Variants in DPYD observed in about 807,000 individuals in gnomAD.
The protein encoded by DPYD is dihydropyrimidine dehydrogenase [NADP(+)].
In DPYD, 109 loss-of-function variants were observed where a neutral mutation model predicts 116.2. The ratio of observed to expected loss-of-function variants is 0.94; its 90% CI spans 0.80 to 1.10. The LOEUF (loss-of-function observed/expected upper bound fraction) is 1.10, where lower values mean the gene tolerates loss of function less well. Ranked by LOEUF, DPYD falls within the 50% of genes least tolerant of loss-of-function variation. DPYD has a pLI of 0.00. For missense variants in DPYD, 1,302 were observed against 1,254.5 expected (o/e 1.04, Z -0.57); for synonymous variants, 440 against 432.0 (o/e 1.02, Z -0.23).
chr1:97,150,445 T>C (rs1455082988), intron 20 of DPYD, among the ~76,000 whole-genome samples: 2 of 152,148 alleles, frequency 1.3e-5, no homozygotes, highest in Non-Finnish European at 2.9e-5. Context: ...GAAAGCACCA[T>C]TCAAATGTTC....
At chr1:97,822,135 A>G (rs1200234178) in intron 3 of DPYD, among the ~76,000 whole-genome samples, 2 of 151,320 alleles carry the variant, frequency 1.3e-5, no homozygotes, top group African/African-American at 4.8e-5. Flanking sequence ...TACGCCAACC[A>G]GCCAGATGTA....
At chr1:97,911,701 G>T (rs920315192) in intron 1 of DPYD, among the ~76,000 whole-genome samples, 9 of 152,206 alleles carry the variant, frequency 5.9e-5, no homozygotes, top group African/African-American at 1.9e-4. Context: ...TGAGAATCTG[G>T]TCTGCCAGAG....
intron 4 of DPYD, among the ~76,000 whole-genome samples, chr1:97,726,094 A>G (rs1000236641): frequency 6.6e-6 from 1 of 151,742 alleles, no homozygotes; most frequent in Middle Eastern, 3.4e-3. Context: ...ATACAAAACT[A>G]GGCAATGACC....
At chr1:97,874,553 G>A (rs562602587) in intron 2 of DPYD, among the ~76,000 whole-genome samples, 1 of 151,918 alleles carries the variant, frequency 6.6e-6, no homozygotes, top group Admixed American at 6.6e-5. Context: ...TAATATATTT[G>A]AGAATCCTTA....
intron 4 of DPYD, among the ~76,000 whole-genome samples, chr1:97,734,232 A>G (rs1663796010): frequency 6.6e-6 from 1 of 152,114 alleles, no homozygotes; most frequent in South Asian, 2.1e-4. Context: ...CTAGGAGATA[A>G]CCTATGAAAG....
At chr1:97,775,375 T>A (rs1557951719) in intron 3 of DPYD, among the ~76,000 whole-genome samples, 1 of 151,996 alleles carries the variant, frequency 6.6e-6, no homozygotes, top group Non-Finnish European at 1.5e-5. Context: ...CACCTAAATT[T>A]CCCCCCCTGC....
chr1:97,503,025 T>G (rs929409236), intron 13 of DPYD, among the ~76,000 whole-genome samples: 4 of 151,984 alleles, frequency 2.6e-5, no homozygotes, highest in Admixed American at 6.6e-5. Flanking sequence ...GGGAGACAAC[T>G]GTAACGTTTC....
chr1:97,596,973 C>T (rs1654930059), intron 8 of DPYD, among the ~76,000 whole-genome samples: 1 of 152,082 alleles, frequency 6.6e-6, no homozygotes, highest in African/African-American at 2.4e-5. Context: ...AGACTGTTTC[C>T]CCCTTTTATG....
intron 6 of DPYD, among the ~76,000 whole-genome samples, chr1:97,696,507 C>T (rs1661315499): frequency 6.6e-6 from 1 of 151,922 alleles, no homozygotes; most frequent in African/African-American, 2.4e-5. Flanking sequence ...GATAAAAGGA[C>T]AGAAGACAGA....
intron 5 of DPYD, among the ~76,000 whole-genome samples, chr1:97,704,924 ATG>A (rs2100986293): frequency 6.6e-6 from 1 of 152,156 alleles, no homozygotes; most frequent in African/African-American, 2.4e-5. Context: ...TATACTTAAT[ATG>A]TATTTCCCCA....
intron 20 of DPYD, among the ~76,000 whole-genome samples, chr1:97,147,863 G>A (rs952740409): frequency 6.6e-6 from 1 of 152,186 alleles, no homozygotes; most frequent in African/African-American, 2.4e-5. Context: ...TCAAGAGGGT[G>A]AGTGCAATAT....
chr1:97,623,946 T>C (rs568026511), intron 8 of DPYD, among the ~76,000 whole-genome samples: 4 of 151,942 alleles, frequency 2.6e-5, no homozygotes, highest in Admixed American at 1.3e-4. Flanking sequence ...AAGAACAAAA[T>C]TTGACCTTGC....
chr1:97,675,800 G>C (rs144560321), intron 8 of DPYD, among the ~76,000 whole-genome samples: 1,559 of 150,562 alleles, frequency 0.01, 21 homozygotes, highest in Middle Eastern at 0.017. Flanking sequence ...GGAGGCTGGA[G>C]TGCAGTGGTG....
intron 16 of DPYD, among the ~76,000 whole-genome samples, chr1:97,334,463 A>AAAAC (rs112876933): frequency 3.3e-5 from 5 of 151,740 alleles, no homozygotes; most frequent in Admixed American, 1.3e-4. Flanking sequence ...TCTACATTAA[A>AAAAC]AAACAAACAA....
intron 14 of DPYD, among the ~76,000 whole-genome samples, chr1:97,448,387 C>A (rs1676209009): frequency 6.6e-6 from 1 of 152,060 alleles, no homozygotes; most frequent in African/African-American, 2.4e-5. Flanking sequence ...GTTTCCTCAT[C>A]AGTTAAATAG....
At chr1:97,547,355 G>A (rs1347377918) in intron 12 of DPYD, among the ~76,000 whole-genome samples, 2 of 152,138 alleles carry the variant, frequency 1.3e-5, no homozygotes, top group Non-Finnish European at 2.9e-5. Flanking sequence ...GTGGATAGCT[G>A]TCCTTTGCTG....
intron 13 of DPYD, among the ~76,000 whole-genome samples, chr1:97,452,394 T>A (rs1676466425): frequency 6.6e-6 from 1 of 152,140 alleles, no homozygotes; most frequent in Non-Finnish European, 1.5e-5. Flanking sequence ...GGTGCTAAAA[T>A]AAAGTACTGT....
At chr1:97,190,250 A>G (rs1658261295) in intron 20 of DPYD, among the ~76,000 whole-genome samples, 1 of 152,014 alleles carries the variant, frequency 6.6e-6, no homozygotes, top group South Asian at 2.1e-4. Flanking sequence ...GCTCAAAATT[A>G]TTTATTGTTT....
intron 5 of DPYD, 120 bp downstream of exon 5, chr1:97,721,390 T>C: frequency 8.3e-7 from 1 of 1,211,862 alleles, no homozygotes; most frequent in South Asian, 1.4e-5. Context: ...AAAACATACT[T>C]GAGCTGTGTG....
Sources: gnomAD v4.1 joint callset for allele counts (sites outside exome capture counted in the v4.1 genomes callset) on GRCh38, gnomAD v4.1.1 for gene constraint, MANE v1.5 for transcripts, NCBI Gene and HGNC (gene_info 2026-07-23, HGNC 2026-07-21) for gene names.